Variants in PLXNC1 observed in about 807,000 individuals in gnomAD.
PLXNC1 encodes the protein plexin-C1.
A neutral mutation model predicts 178.2 loss-of-function variants in PLXNC1; 75 were observed. The ratio of observed to expected loss-of-function variants is 0.42; its 90% CI spans 0.35 to 0.51. The LOEUF is 0.51. Ranked by LOEUF, PLXNC1 falls within the 20% of genes least tolerant of loss-of-function variation. PLXNC1 has a pLI of 0.02. For missense variants in PLXNC1, 1,503 were observed against 1,984.4 expected (o/e 0.76, Z 4.61); for synonymous variants, 790 against 779.9 (o/e 1.01, Z -0.22).
chr12:94,258,307 G>A (rs1449839657), intron 17 of PLXNC1, among the ~76,000 whole-genome samples: 1 of 152,106 alleles, frequency 6.6e-6, no homozygotes, highest in Admixed American at 6.6e-5. Context: ...TTTTTTTGGG[G>A]CTTTTTTGCT....
chr12:94,215,640 A>G (rs1401864352), intron 5 of PLXNC1, among the ~76,000 whole-genome samples: 1 of 152,120 alleles, frequency 6.6e-6, no homozygotes, highest in Non-Finnish European at 1.5e-5. Context: ...AGGAATATAG[A>G]TTCATAGAAT....
At chr12:94,194,030 G>A (rs928177224) in intron 4 of PLXNC1, among the ~76,000 whole-genome samples, 3 of 152,146 alleles carry the variant, frequency 2.0e-5, no homozygotes, top group Non-Finnish European at 2.9e-5. Flanking sequence ...CAGGAAGCAC[G>A]ATACTGGCAT....
At chr12:94,282,582 T>C (rs1246490359) in intron 23 of PLXNC1, among the ~76,000 whole-genome samples, 181 bp downstream of exon 23, 1 of 152,250 alleles carries the variant, frequency 6.6e-6, no homozygotes, top group Non-Finnish European at 1.5e-5. Context: ...GCTCTCACAG[T>C]GTACTTGTCA....
At chr12:94,206,638 G>T (rs1197597585) in intron 4 of PLXNC1, among the ~76,000 whole-genome samples, 1 of 152,178 alleles carries the variant, frequency 6.6e-6, no homozygotes, top group African/African-American at 2.4e-5. Flanking sequence ...ATAAAATACT[G>T]ACTGGGAGTC....
At chr12:94,225,845 T>C (rs924778503) in intron 7 of PLXNC1, among the ~76,000 whole-genome samples, 12 of 152,198 alleles carry the variant, frequency 7.9e-5, no homozygotes, top group Non-Finnish European at 1.6e-4. Flanking sequence ...AAAGCCAGTG[T>C]GTCCTCTCCT....
chr12:94,304,143 C>T (rs1968766892), intron 30 of PLXNC1, 92 bp downstream of exon 30: 3 of 809,558 alleles, frequency 3.7e-6, no homozygotes, highest in Admixed American at 5.5e-5. Flanking sequence ...GCTCTGGCAT[C>T]CCAAAAGGCC....
chr12:94,251,637 G>A (rs980847240), intron 15 of PLXNC1, 109 bp downstream of exon 15: 3 of 727,372 alleles, frequency 4.1e-6, no homozygotes, highest in Non-Finnish European at 7.5e-6. Flanking sequence ...GTATAAATGG[G>A]TGAAAGCCCA....
intron 26 of PLXNC1, among the ~76,000 whole-genome samples, chr12:94,297,848 T>A (rs1389026543): frequency 6.6e-6 from 1 of 152,236 alleles, no homozygotes; most frequent in Admixed American, 6.5e-5. Context: ...TTGTTTTTCA[T>A]TTTAAAATTA....
intron 23 of PLXNC1, among the ~76,000 whole-genome samples, chr12:94,292,713 T>C (rs188358865): frequency 1.1e-4 from 17 of 152,358 alleles, no homozygotes; most frequent in Admixed American, 3.3e-4. Context: ...TAATTTTATA[T>C]AATTTGTGCA....
chr12:94,259,831 A>C (rs569231635), intron 19 of PLXNC1, 97 bp downstream of exon 19: 9 of 1,079,910 alleles, frequency 8.3e-6, no homozygotes, highest in Non-Finnish European at 1.1e-5. Context: ...TGGGAGGCCA[A>C]GGCAGGCAAT....
At chr12:94,296,902 G>C (rs1967975733) in intron 24 of PLXNC1, among the ~76,000 whole-genome samples, 1 of 152,164 alleles carries the variant, frequency 6.6e-6, no homozygotes, top group Non-Finnish European at 1.5e-5. Context: ...AGGTGTTCTA[G>C]GTACATTTGT....
chr12:94,212,702 ATTTTCTTTTC>A (rs1395010882), intron 5 of PLXNC1, among the ~76,000 whole-genome samples: 3 of 145,446 alleles, frequency 2.1e-5, no homozygotes, highest in Non-Finnish European at 4.5e-5. Flanking sequence ...TAGGTGCCAC[ATTTTCTTTTC>A]TTTTCTTTTC....
At position 94,210,829 on chromosome 12, in the gene PLXNC1, T is replaced by C. The variant is rs59871479; in HGVS notation, c.1554+1125T>C. ...CCTGAATCAGAGTGAATAGATTTGG[T>C]GGAAAAGATTCTTAGGCATCTAAAC... On this transcript the variant is annotated intron_variant, in intron 5 of 30. Transcript: ENST00000258526. 6.4e-3 allele frequency among the ~76,000 whole-genome samples: 980 copies of C among 152,308 alleles called. 10 individuals carry two copies. The highest frequency in any genetic ancestry group is 0.017 in the African/African-American group (699 of 41,562).
At chr12:94,178,737 G>A (rs920577298) in intron 2 of PLXNC1, among the ~76,000 whole-genome samples, 2 of 152,168 alleles carry the variant, frequency 1.3e-5, no homozygotes, top group Non-Finnish European at 2.9e-5. Context: ...CACTTGAAAT[G>A]TTGCTAGTGT....
In PLXNC1 at chr12:94,279,618, T is replaced by A. The variant is rs773024628; in HGVS notation, c.3744T>A (p.Pro1248=). 1.2e-6 allele frequency: 2 copies of A among 1,614,232 alleles called. No homozygotes were observed. Among genetic ancestry groups the A allele is most frequent in the South Asian group, 1.1e-5 (1 of 91,084 alleles). Residue 1248 remains proline (P), a synonymous_variant, in exon 22 of 31, where the codon CCT becomes CCA. Coordinates refer to ENST00000258526, the MANE Select transcript of PLXNC1 (RefSeq NM_005761.3). ...FQAFLSKNGS[P]YGLQLNEIGL... is the part of the protein sequence containing the mutation. ...CATTCTTAAGCAAAAATGGCTCTCC[T>A]TATGGACTTCAGCTTAATGAAATTG...
chr12:94,227,667 G>T (rs112416297), intron 9 of PLXNC1, among the ~76,000 whole-genome samples: 1 of 152,062 alleles, frequency 6.6e-6, no homozygotes. Flanking sequence ...TTGTAGGGAC[G>T]TCTAACCAGT....
chr12:94,242,057 T>G (rs1029385848), intron 11 of PLXNC1, among the ~76,000 whole-genome samples: 1 of 151,784 alleles, frequency 6.6e-6, no homozygotes, highest in Non-Finnish European at 1.5e-5. Context: ...AAAAATCACT[T>G]TTAATATTCT....
intron 10 of PLXNC1, among the ~76,000 whole-genome samples, chr12:94,239,209 C>T (rs1964316198): frequency 6.6e-6 from 1 of 152,216 alleles, no homozygotes; most frequent in Non-Finnish European, 1.5e-5. Flanking sequence ...AAGCAGTCAA[C>T]ATAATACTCA....
At chr12:94,279,411 T>C (rs1966255727) in intron 21 of PLXNC1, 61 bp from the exon 22 acceptor site, 3 of 1,477,906 alleles carry the variant, frequency 2.0e-6, no homozygotes, top group Non-Finnish European at 2.8e-6. Context: ...GTGTCTTTTA[T>C]GAAATGCCTT....
Sources: gnomAD v4.1 joint callset for allele counts (sites outside exome capture counted in the v4.1 genomes callset) on GRCh38, gnomAD v4.1.1 for gene constraint, MANE v1.5 for transcripts, NCBI Gene and HGNC (gene_info 2026-07-23, HGNC 2026-07-21) for gene names.